The following ASAP1 variants were observed in gnomAD, a reference collection of about 807,000 sequenced individuals.
ASAP1 encodes the protein ArfGAP with SH3 domain, ankyrin repeat and PH domain 1.
ASAP1 carries 43 observed loss-of-function variants against 145.2 expected under a neutral mutation model. The observed-to-expected ratio is 0.30, with a 90% CI of 0.23 to 0.38. The LOEUF (loss-of-function observed/expected upper bound fraction) is 0.38, where lower values mean the gene tolerates loss of function less well. Among genes scored for constraint, ASAP1 ranks in the 10% least tolerant of loss-of-function variants. The pLI is 1.00. For synonymous variants in ASAP1, 546 were observed against 515.5 expected (o/e 1.06, Z -0.80); for missense variants, 1,018 against 1,355.3 (o/e 0.75, Z 3.91).
chr8:130,072,825 G>GTGTGTGTGTGTGTGTGCGCGCA, intron 27 of ASAP1, among the ~76,000 whole-genome samples: 12 of 54,100 alleles, frequency 2.2e-4, no homozygotes, highest in East Asian at 8.0e-4. Context: ...GTGTGTGTGT[G>GTGTGTGTGTGTGTGTGCGCGCA]CGCGCGGGGG....
At chr8:130,311,479 G>T (rs1236130995) in intron 3 of ASAP1, among the ~76,000 whole-genome samples, 1 of 152,152 alleles carries the variant, frequency 6.6e-6, no homozygotes, top group Non-Finnish European at 1.5e-5. Context: ...GGGCAAAATA[G>T]GGTCCAGTGT....
rs888079485 is a variant in ASAP1, at chr8:130,330,917, A to G, written c.186+27100T>C. On this transcript the variant is annotated intron_variant, in intron 3 of 29. Transcript: ENST00000518721. ...GGGATGCTCCTGAAAGTACAAACAA[A>G]CCTCCTTCCACTTCTAGCCTTTTTT... Among the ~76,000 whole-genome samples the G allele has an allele frequency of 1.5e-4, 23 of 152,082 alleles. No individual in the cohort carries two copies. The East Asian group carries it at 4.1e-3, about 27-fold the overall frequency.
chr8:130,168,875 T>C (rs1212176781), intron 10 of ASAP1, 117 bp downstream of exon 10: 1 of 634,036 alleles, frequency 1.6e-6, no homozygotes, highest in Non-Finnish European at 2.8e-6. Context: ...CCTAGGTTTG[T>C]ACAGACATAT....
At chr8:130,170,914 C>T (rs1167760419) in intron 9 of ASAP1, among the ~76,000 whole-genome samples, 2 of 152,040 alleles carry the variant, frequency 1.3e-5, no homozygotes, top group African/African-American at 2.4e-5. Context: ...TAAGGTTTTG[C>T]CACATTGCTT....
intron 3 of ASAP1, among the ~76,000 whole-genome samples, chr8:130,287,133 T>C (rs1821663169): frequency 6.6e-6 from 1 of 152,116 alleles, no homozygotes; most frequent in Admixed American, 6.5e-5. Context: ...CTGACTCTAA[T>C]TGAACAAAGC....
intron 17 of ASAP1, among the ~76,000 whole-genome samples, 167 bp from the exon 18 acceptor site, chr8:130,124,271 C>G (rs78522672): frequency 3.9e-5 from 6 of 152,190 alleles, no homozygotes; most frequent in Admixed American, 1.3e-4. Flanking sequence ...GCATCTACTA[C>G]GTGCCAAGCA....
At chr8:130,193,958 G>C (rs1381114130) in intron 5 of ASAP1, among the ~76,000 whole-genome samples, 5 of 152,096 alleles carry the variant, frequency 3.3e-5, no homozygotes, top group Non-Finnish European at 5.9e-5. Flanking sequence ...CCAAAGTGCT[G>C]GGATTACAGG....
chr8:130,100,240 T>C (rs1164723127), intron 24 of ASAP1, among the ~76,000 whole-genome samples: 1 of 152,240 alleles, frequency 6.6e-6, no homozygotes, highest in Non-Finnish European at 1.5e-5. Context: ...CATTGTGGTT[T>C]TGATTTACAT....
intron 3 of ASAP1, among the ~76,000 whole-genome samples, chr8:130,279,113 A>G (rs542928409): frequency 2.6e-5 from 4 of 152,294 alleles, no homozygotes; most frequent in Admixed American, 2.6e-4. Context: ...GTAAAAGCAA[A>G]ATCTCCAAAA....
intron 12 of ASAP1, among the ~76,000 whole-genome samples, chr8:130,155,897 C>G (rs1313932549): frequency 6.6e-6 from 1 of 152,230 alleles, no homozygotes; most frequent in Non-Finnish European, 1.5e-5. Flanking sequence ...AGAAAATGGT[C>G]TCGTATAAAT....
chr8:130,060,951 G>A lies in ASAP1; in HGVS notation c.2820C>T (p.Pro940=), dbSNP rs2097418254. The change falls in exon 28 of 30, where the codon CCC becomes CCT. Residue 940 remains proline (P), a synonymous_variant. Transcript: ENST00000518721. ...LPQKPPPGDL[P]PKPTELAPKP... The stretch of plus-strand genomic sequence containing the variant: ...TGGGGGCCAGTTCTGTGGGCTTTGG[G>A]GGCAGGTCTCCAGGTGGTGGCTTTT... The A allele has an allele frequency of 6.2e-7, 1 of 1,606,432 alleles. No individual in the cohort carries two copies. Among genetic ancestry groups the A allele is most frequent in the African/African-American group, 1.3e-5 (1 of 74,536 alleles).
At chr8:130,101,528 A>G (rs2097528684) in intron 24 of ASAP1, among the ~76,000 whole-genome samples, 2 of 151,084 alleles carry the variant, frequency 1.3e-5, no homozygotes, top group South Asian at 4.2e-4. Context: ...TGGGTTTTTT[A>G]GTTTTTTGGG....
At chr8:130,296,090 T>A (rs1325487498) in intron 3 of ASAP1, among the ~76,000 whole-genome samples, 1 of 152,204 alleles carries the variant, frequency 6.6e-6, no homozygotes, top group Admixed American at 6.5e-5. Context: ...ACTTGTCAGC[T>A]GCATAGTGAC....
intron 1 of ASAP1, among the ~76,000 whole-genome samples, chr8:130,439,348 T>C (rs771049883): frequency 8.5e-5 from 13 of 152,306 alleles, no homozygotes; most frequent in South Asian, 4.1e-4. Flanking sequence ...AACTGTAAGA[T>C]AGTAAACTTG....
chr8:130,253,246 C>G (rs1302430014), intron 3 of ASAP1, among the ~76,000 whole-genome samples: 1 of 152,164 alleles, frequency 6.6e-6, no homozygotes, highest in African/African-American at 2.4e-5. Flanking sequence ...GAAACTTAAC[C>G]CGGCTGTGCC....
At chr8:130,194,620 G>T (rs976758678) in intron 5 of ASAP1, among the ~76,000 whole-genome samples, 2 of 152,160 alleles carry the variant, frequency 1.3e-5, no homozygotes, top group Admixed American at 6.5e-5. Flanking sequence ...CAGATGGCAG[G>T]GGTTGGGGGA....
At chr8:130,411,092 C>G (rs1051076859) in intron 1 of ASAP1, among the ~76,000 whole-genome samples, 2 of 152,174 alleles carry the variant, frequency 1.3e-5, no homozygotes, top group African/African-American at 2.4e-5. Context: ...GAACTCCTGA[C>G]CTCAGGTGAT....
At chr8:130,403,710 G>A (rs749911971) in intron 1 of ASAP1, among the ~76,000 whole-genome samples, 66 of 151,828 alleles carry the variant, frequency 4.3e-4, no homozygotes, top group Non-Finnish European at 7.1e-4. Flanking sequence ...CCGCCACCAC[G>A]CCCAGCTACT....
At chr8:130,398,229 C>T (rs887095121) in intron 2 of ASAP1, among the ~76,000 whole-genome samples, 2 of 152,202 alleles carry the variant, frequency 1.3e-5, no homozygotes, top group African/African-American at 4.8e-5. Flanking sequence ...CAGGAAACAG[C>T]ACATTAGCAC....
Sources: gnomAD v4.1 joint callset for allele counts (sites outside exome capture counted in the v4.1 genomes callset) on GRCh38, gnomAD v4.1.1 for gene constraint, MANE v1.5 for transcripts, NCBI Gene and HGNC (gene_info 2026-07-23, HGNC 2026-07-21) for gene names.